ADGB: variants seen among roughly 807,000 people sequenced by gnomAD.
The protein encoded by ADGB is calpain-7-like protein.
ADGB carries 172 observed loss-of-function variants against 210.5 expected under a neutral mutation model. That is an observed-to-expected ratio of 0.82 (90% CI 0.72 to 0.93). The LOEUF (loss-of-function observed/expected upper bound fraction) is 0.93, where lower values mean the gene tolerates loss of function less well. Ranked by LOEUF, ADGB falls within the 40% of genes least tolerant of loss-of-function variation. ADGB has a pLI of 0.00. For missense variants in ADGB, 2,025 were observed against 1,964.8 expected (o/e 1.03, Z -0.58); for synonymous variants, 658 against 662.7 (o/e 0.99, Z 0.11).
At chr6:146,754,570 A>G (rs901853660) in intron 27 of ADGB, among the ~76,000 whole-genome samples, 1 of 151,958 alleles carries the variant, frequency 6.6e-6, no homozygotes, top group South Asian at 2.1e-4. Context: ...TTAGAATGCT[A>G]TAAAATTTTT....
chr6:146,812,452 AG>A (rs749964290), intron 35 of ADGB, among the ~76,000 whole-genome samples: 1 of 152,242 alleles, frequency 6.6e-6, no homozygotes, highest in South Asian at 2.1e-4. Context: ...ATTTCTTTAA[AG>A]GGGGGAAGGC....
chr6:146,651,583 T>A (rs969385629), intron 3 of ADGB, among the ~76,000 whole-genome samples: 1 of 152,180 alleles, frequency 6.6e-6, no homozygotes, highest in Non-Finnish European at 1.5e-5. Flanking sequence ...TCTCTTCCAA[T>A]GGCTATCTTG....
At chr6:146,777,523 T>C (rs259408) in intron 29 of ADGB, among the ~76,000 whole-genome samples, 77,753 of 151,908 alleles carry the variant, frequency 0.51, 20,456 homozygotes, top group Admixed American at 0.61. Context: ...TCAGCTGCCT[T>C]AGCACCATCT....
intron 28 of ADGB, among the ~76,000 whole-genome samples, chr6:146,766,342 G>A (rs914744096): frequency 2.0e-5 from 3 of 152,032 alleles, no homozygotes; most frequent in East Asian, 1.9e-4. Flanking sequence ...CATGAGAACC[G>A]CTTGAACCTG....
chr6:146,619,310 T>A (rs984015246), intron 1 of ADGB, among the ~76,000 whole-genome samples: 2 of 152,078 alleles, frequency 1.3e-5, no homozygotes, highest in African/African-American at 4.8e-5. Context: ...GATCATTTTT[T>A]AAAAATACAT....
chr6:146,695,194 A>T (rs186958981), intron 12 of ADGB, among the ~76,000 whole-genome samples: 4 of 152,086 alleles, frequency 2.6e-5, no homozygotes, highest in African/African-American at 9.7e-5. Flanking sequence ...TGATTGGCTT[A>T]GTTGTAGTTT....
At chr6:146,757,918 T>C (rs1400619983) in intron 27 of ADGB, among the ~76,000 whole-genome samples, 1 of 151,994 alleles carries the variant, frequency 6.6e-6, no homozygotes, top group Non-Finnish European at 1.5e-5. Context: ...TTGAGGAGAA[T>C]TGAAGAAATA....
At chr6:146,618,265 G>GT (rs528875947) in intron 1 of ADGB, among the ~76,000 whole-genome samples, 40 of 146,596 alleles carry the variant, frequency 2.7e-4, no homozygotes, top group East Asian at 1.2e-3. Flanking sequence ...GAGTCTTACG[G>GT]TTTTTTTTTT....
At chr6:146,772,523 C>A (rs1364939992) in intron 29 of ADGB, among the ~76,000 whole-genome samples, 1 of 147,254 alleles carries the variant, frequency 6.8e-6, no homozygotes, top group East Asian at 2.0e-4. Flanking sequence ...TAATAATATA[C>A]AGTAGTACTG....
intron 16 of ADGB, among the ~76,000 whole-genome samples, chr6:146,718,864 T>C (rs566294701): frequency 6.6e-6 from 1 of 152,264 alleles, no homozygotes; most frequent in East Asian, 1.9e-4. Context: ...GAATAGTGAC[T>C]GGGGGAAAGA....
chr6:146,659,463 A>G (rs753134330), intron 5 of ADGB, among the ~76,000 whole-genome samples: 1 of 152,040 alleles, frequency 6.6e-6, no homozygotes, highest in Non-Finnish European at 1.5e-5. Context: ...TCTCTGCCTT[A>G]TCACAAATAT....
chr6:146,735,169 G>C (rs1777060500), intron 22 of ADGB, among the ~76,000 whole-genome samples: 1 of 152,182 alleles, frequency 6.6e-6, no homozygotes, highest in Non-Finnish European at 1.5e-5. Flanking sequence ...AATTCAATGG[G>C]TTTTTTCCTC....
intron 27 of ADGB, among the ~76,000 whole-genome samples, chr6:146,754,176 T>C (rs1777366668): frequency 6.6e-6 from 1 of 151,352 alleles, no homozygotes. Flanking sequence ...TGTATCTGCA[T>C]AAATTTGCAT....
chr6:146,600,910 C>T (rs1206800833), intron 1 of ADGB, among the ~76,000 whole-genome samples: 1 of 136,760 alleles, frequency 7.3e-6, no homozygotes, highest in Non-Finnish European at 1.5e-5. Flanking sequence ...ATTTTGAGTA[C>T]ACCCCTCCCC....
intron 35 of ADGB, chr6:146,802,747 T>C (rs1778152388): frequency 2.6e-6 from 4 of 1,553,408 alleles, no homozygotes; most frequent in East Asian, 2.2e-5. Context: ...AATTACACAG[T>C]TCAGGGATGT....
At chr6:146,697,837 C>G (rs1776428524) in intron 12 of ADGB, among the ~76,000 whole-genome samples, 1 of 152,060 alleles carries the variant, frequency 6.6e-6, no homozygotes, top group Non-Finnish European at 1.5e-5. Flanking sequence ...AAAACTGCAG[C>G]TAGACACATC....
At chr6:146,600,159 C>T (rs996646621) in intron 1 of ADGB, among the ~76,000 whole-genome samples, 10 of 151,874 alleles carry the variant, frequency 6.6e-5, no homozygotes, top group African/African-American at 1.7e-4. Flanking sequence ...TCCAGTTACC[C>T]GGCAGATAAT....
intron 7 of ADGB, among the ~76,000 whole-genome samples, chr6:146,671,145 A>G (rs576599071): frequency 2.2e-4 from 34 of 152,308 alleles, no homozygotes; most frequent in African/African-American, 7.7e-4. Flanking sequence ...TGCCATGCTG[A>G]CACTTTTACA....
chr6:146,728,508 TA>T, intron 19 of ADGB, 65 bp from the exon 20 acceptor site: 1 of 1,388,716 alleles, frequency 7.2e-7, no homozygotes, highest in Non-Finnish European at 9.7e-7. Context: ...TAACAGATAT[TA>T]ATTTGTATAA....
Sources: gnomAD v4.1 joint callset for allele counts (sites outside exome capture counted in the v4.1 genomes callset) on GRCh38, gnomAD v4.1.1 for gene constraint, MANE v1.5 for transcripts, NCBI Gene and HGNC (gene_info 2026-07-23, HGNC 2026-07-21) for gene names.